The following CENPW variants were observed in gnomAD, a reference collection of about 807,000 sequenced individuals.
CENPW encodes the protein cancer-up-regulated gene 2 protein.
CENPW carries 3 observed loss-of-function variants against 11.1 expected under a neutral mutation model. The ratio of observed to expected loss-of-function variants is 0.27; its 90% CI spans 0.12 to 0.70. The LOEUF is 0.70. Ranked by LOEUF, CENPW falls within the 30% of genes least tolerant of loss-of-function variation. The probability of loss-of-function intolerance (pLI) is 0.77; values close to 1 mark genes in which losing one functional copy is unlikely to be tolerated. For missense variants in CENPW, 100 were observed against 105.6 expected (o/e 0.95, Z 0.23); for synonymous variants, 38 against 42.0 (o/e 0.91, Z 0.37).
At chr6:126,424,411 T>C in the CENPW span, among the ~76,000 whole-genome samples, 2 of 152,148 alleles carry the variant, frequency 1.3e-5, no homozygotes, top group African/African-American at 4.8e-5. Context: ...TTAGAGTTCA[T>C]AGTGAAAGTA....
chr6:126,430,733 C>T, the CENPW span, among the ~76,000 whole-genome samples: 8 of 152,080 alleles, frequency 5.3e-5, no homozygotes, highest in East Asian at 9.7e-4. Flanking sequence ...GGGCAGATCA[C>T]GAGGTCAGGA....
the CENPW span, among the ~76,000 whole-genome samples, chr6:126,425,406 T>G: frequency 5.9e-5 from 9 of 152,240 alleles, no homozygotes; most frequent in African/African-American, 2.2e-4. Flanking sequence ...AATAGCCAAA[T>G]TGACCTTTAT....
the CENPW span, among the ~76,000 whole-genome samples, chr6:126,467,041 T>C: frequency 6.6e-6 from 1 of 152,168 alleles, no homozygotes; most frequent in African/African-American, 2.4e-5. Flanking sequence ...ATTAGAAGAA[T>C]TAATATCATT....
chr6:126,359,860 T>TA, the CENPW span, among the ~76,000 whole-genome samples: 850 of 152,074 alleles, frequency 5.6e-3, 8 homozygotes, highest in African/African-American at 0.02. Flanking sequence ...AGACAGCAGA[T>TA]AGTTGGGTCT....
At chr6:126,430,774 AC>A in the CENPW span, among the ~76,000 whole-genome samples, 2 of 152,022 alleles carry the variant, frequency 1.3e-5, no homozygotes, top group African/African-American at 2.4e-5. Context: ...ACATGGTGAA[AC>A]CCCATCACTA....
chr6:126,393,331 T>A, the CENPW span, among the ~76,000 whole-genome samples: 1 of 151,856 alleles, frequency 6.6e-6, no homozygotes. Flanking sequence ...TAATTTCAAA[T>A]TTGGTTTTCT....
the CENPW span, among the ~76,000 whole-genome samples, chr6:126,427,698 A>G: frequency 6.6e-6 from 1 of 152,122 alleles, no homozygotes; most frequent in Non-Finnish European, 1.5e-5. Flanking sequence ...TTAGGTTTCT[A>G]TTTTTTAATG....
chr6:126,439,433 C>T, the CENPW span, among the ~76,000 whole-genome samples: 2 of 151,488 alleles, frequency 1.3e-5, no homozygotes, highest in African/African-American at 4.8e-5. Context: ...AACCCTAGAG[C>T]AAGAAGGAAG....
the CENPW span, among the ~76,000 whole-genome samples, chr6:126,436,823 C>A: frequency 6.6e-6 from 1 of 151,672 alleles, no homozygotes; most frequent in Non-Finnish European, 1.5e-5. Flanking sequence ...ACAGATATGC[C>A]ATCTGATTTC....
the CENPW span, among the ~76,000 whole-genome samples, chr6:126,390,121 C>T: frequency 6.6e-6 from 1 of 151,884 alleles, no homozygotes; most frequent in Non-Finnish European, 1.5e-5. Flanking sequence ...ACAGTCTATA[C>T]TCAACCAATC....
At chr6:126,456,478 T>G in the CENPW span, among the ~76,000 whole-genome samples, 32 of 151,624 alleles carry the variant, frequency 2.1e-4, no homozygotes, top group Admixed American at 2.1e-3. Flanking sequence ...CAATAAATGG[T>G]GCTAGGGTAA....
the CENPW span, among the ~76,000 whole-genome samples, chr6:126,405,230 T>A: frequency 6.6e-6 from 1 of 152,126 alleles, no homozygotes; most frequent in Non-Finnish European, 1.5e-5. Flanking sequence ...TATCCAGTTT[T>A]CCCAGCATCA....
At chr6:126,481,765 T>C in the CENPW span, among the ~76,000 whole-genome samples, 3 of 152,154 alleles carry the variant, frequency 2.0e-5, no homozygotes, top group Non-Finnish European at 4.4e-5. Context: ...CAAGTGAATG[T>C]ACCCATTTTA....
chr6:126,354,948 T>C, the CENPW span, among the ~76,000 whole-genome samples: 1 of 152,128 alleles, frequency 6.6e-6, no homozygotes, highest in Non-Finnish European at 1.5e-5. Flanking sequence ...ACTGGGACAG[T>C]TGGTCACTGT....
At chr6:126,345,270 C>T (rs6907898) in intron 1 of CENPW, among the ~76,000 whole-genome samples, 65,117 of 151,270 alleles carry the variant, frequency 0.43, 16,327 homozygotes, top group East Asian at 0.97. Context: ...ATATGTAATC[C>T]GATAATGTTG....
At chr6:126,431,311 G>A in the CENPW span, among the ~76,000 whole-genome samples, 1 of 152,144 alleles carries the variant, frequency 6.6e-6, no homozygotes, top group Admixed American at 6.5e-5. Flanking sequence ...ATCTGCTAAT[G>A]TTGCATTGCA....
chr6:126,409,265 A>G, the CENPW span, among the ~76,000 whole-genome samples: 1 of 152,170 alleles, frequency 6.6e-6, no homozygotes, highest in Non-Finnish European at 1.5e-5. Flanking sequence ...TTTCAGTTTT[A>G]GTTCACTGAT....
chr6:126,445,823 T>C, the CENPW span, among the ~76,000 whole-genome samples: 1 of 151,244 alleles, frequency 6.6e-6, no homozygotes, highest in African/African-American at 2.4e-5. Flanking sequence ...CAGGAATGCA[T>C]TCCCATTTGA....
the CENPW span, among the ~76,000 whole-genome samples, chr6:126,410,478 C>T: frequency 3.3e-5 from 5 of 151,976 alleles, no homozygotes; most frequent in East Asian, 9.6e-4. Context: ...CTTTAAGAAT[C>T]TCTTTCTGGG....
Sources: gnomAD v4.1 joint callset for allele counts (sites outside exome capture counted in the v4.1 genomes callset) on GRCh38, gnomAD v4.1.1 for gene constraint, MANE v1.5 for transcripts, NCBI Gene and HGNC (gene_info 2026-07-23, HGNC 2026-07-21) for gene names.